The following ADK variants were observed in gnomAD, a reference collection of about 807,000 sequenced individuals.
ADK encodes adenosine kinase.
Under a neutral mutation model 44.7 loss-of-function variants are expected in ADK, and 24 were observed. The ratio of observed to expected loss-of-function variants is 0.54; its 90% confidence interval spans 0.39 to 0.76. The LOEUF (loss-of-function observed/expected upper bound fraction) is 0.76. Ranked by LOEUF, ADK falls within the 30% of genes least tolerant of loss-of-function variation. The pLI, the probability that ADK is intolerant of heterozygous loss-of-function variation, is 0.00. For missense variants in ADK, 321 were observed against 425.1 expected, an observed-to-expected ratio of 0.76 and a Z score of 2.15; for synonymous variants, 128 against 142.6, an observed-to-expected ratio of 0.90 and a Z score of 0.73.
chr10:74,398,396 A>G, intron 5 of ADK, 75 bp from the exon 6 acceptor site: 1 of 934,756 alleles, frequency 1.1e-6, no homozygotes, highest in South Asian at 1.9e-5. Context: ...TTTGCAAAAA[A>G]TATTGGTAAT....
intron 4 of ADK, among the ~76,000 whole-genome samples, chr10:74,383,359 T>C (rs1843034003): frequency 1.3e-5 from 2 of 151,756 alleles, no homozygotes; most frequent in Non-Finnish European, 2.9e-5. Flanking sequence ...ACTGAACTTT[T>C]AGTTTTCTGA....
intron 8 of ADK, among the ~76,000 whole-genome samples, chr10:74,597,911 A>G (rs1017004645): frequency 2.0e-5 from 3 of 152,128 alleles, no homozygotes; most frequent in Admixed American, 1.3e-4. Context: ...ATGTCTGTCA[A>G]TTTTCTCTAC....
intron 7 of ADK, among the ~76,000 whole-genome samples, chr10:74,526,976 C>A (rs187485468): frequency 6.6e-6 from 1 of 152,298 alleles, no homozygotes; most frequent in Non-Finnish European, 1.5e-5. Context: ...TCTCAGAGTT[C>A]TAAATAGTCA....
At chr10:74,561,836 C>A (rs1010786627) in intron 7 of ADK, among the ~76,000 whole-genome samples, 3 of 152,178 alleles carry the variant, frequency 2.0e-5, no homozygotes, top group Non-Finnish European at 2.9e-5. Flanking sequence ...TTTAGAGTCC[C>A]TCAGCTCAGG....
chr10:74,364,108 CAA>C (rs1162442840), intron 4 of ADK, among the ~76,000 whole-genome samples: 1 of 152,204 alleles, frequency 6.6e-6, no homozygotes, highest in African/African-American at 2.4e-5. Flanking sequence ...CACTTAATTA[CAA>C]TTCATACCTG....
chr10:74,212,593 T>C (rs1241267122), intron 2 of ADK, among the ~76,000 whole-genome samples: 1 of 152,192 alleles, frequency 6.6e-6, no homozygotes, highest in Non-Finnish European at 1.5e-5. Context: ...ATTATTTGAA[T>C]GTTTGGCATA....
intron 4 of ADK, chr10:74,344,705 T>C (rs537040929): frequency 1.1e-5 from 2 of 174,920 alleles, no homozygotes; most frequent in South Asian, 1.3e-4. Flanking sequence ...TTGTGCAGTC[T>C]TAACACAGTC....
intron 1 of ADK, among the ~76,000 whole-genome samples, chr10:74,163,622 T>TA (rs1296699742): frequency 6.6e-6 from 1 of 152,212 alleles, no homozygotes; most frequent in Non-Finnish European, 1.5e-5. Context: ...AGGGGTCACT[T>TA]AAAAACAAAA....
intron 10 of ADK, among the ~76,000 whole-genome samples, chr10:74,680,043 G>A (rs1855545452): frequency 1.3e-5 from 2 of 151,020 alleles, no homozygotes; most frequent in Non-Finnish European, 1.5e-5. Context: ...GGCCGGGCAC[G>A]GTGGCTCACG....
At chr10:74,696,881 G>C (rs1258927085) in intron 10 of ADK, among the ~76,000 whole-genome samples, 1 of 152,208 alleles carries the variant, frequency 6.6e-6, no homozygotes, top group South Asian at 2.1e-4. Context: ...AGCTGCTATG[G>C]CTTCAGGCTT....
chr10:74,190,374 T>C (rs1842919051), intron 1 of ADK, among the ~76,000 whole-genome samples: 1 of 152,202 alleles, frequency 6.6e-6, no homozygotes, highest in South Asian at 2.1e-4. Flanking sequence ...CAGTCAGTGG[T>C]GATTGCTTAG....
chr10:74,315,234 G>A (rs747239811), intron 4 of ADK, among the ~76,000 whole-genome samples: 12 of 151,996 alleles, frequency 7.9e-5, no homozygotes, highest in Non-Finnish European at 1.6e-4. Flanking sequence ...CCACAAGATA[G>A]TAGAAATTGC....
intron 9 of ADK, chr10:74,655,979 C>T (rs901601374): frequency 2.2e-5 from 15 of 685,240 alleles, no homozygotes; most frequent in African/African-American, 1.4e-4. Flanking sequence ...TGACTCTGGA[C>T]GTGACCATGG....
intron 9 of ADK, among the ~76,000 whole-genome samples, chr10:74,659,859 T>C (rs1185136074): frequency 6.6e-6 from 1 of 152,140 alleles, no homozygotes; most frequent in Non-Finnish European, 1.5e-5. Flanking sequence ...CCCACCAAGA[T>C]TAAGGGTGGG....
chr10:74,187,039 A>T (rs1471168765), intron 1 of ADK, among the ~76,000 whole-genome samples: 1 of 152,140 alleles, frequency 6.6e-6, no homozygotes, highest in Non-Finnish European at 1.5e-5. Context: ...GGAAAATTTA[A>T]CACTTTTTAC....
At chr10:74,251,406 C>T (rs1204607520) in intron 3 of ADK, among the ~76,000 whole-genome samples, 2 of 151,962 alleles carry the variant, frequency 1.3e-5, no homozygotes, top group Non-Finnish European at 2.9e-5. Flanking sequence ...TTGAAATAAC[C>T]TGTGTTTTAG....
At chr10:74,439,565 C>T (rs940451784) in intron 6 of ADK, among the ~76,000 whole-genome samples, 2 of 152,064 alleles carry the variant, frequency 1.3e-5, no homozygotes, top group Non-Finnish European at 2.9e-5. Flanking sequence ...GTTTATCAGC[C>T]TACCCAGTGG....
intron 6 of ADK, among the ~76,000 whole-genome samples, chr10:74,418,791 T>C (rs1844460141): frequency 6.6e-6 from 1 of 152,174 alleles, no homozygotes; most frequent in Non-Finnish European, 1.5e-5. Flanking sequence ...CAGATGCATT[T>C]TCTATGCTGC....
At chr10:74,635,444 C>T (rs1424976597) in intron 9 of ADK, among the ~76,000 whole-genome samples, 1 of 152,060 alleles carries the variant, frequency 6.6e-6, no homozygotes, top group African/African-American at 2.4e-5. Context: ...TATGTGATTC[C>T]ATTTGTATAA....
Sources: allele counts gnomAD v4.1 joint callset (sites outside exome capture counted in the v4.1 genomes callset), GRCh38; gene constraint gnomAD v4.1.1; transcripts MANE v1.5; gene names NCBI Gene and HGNC (gene_info 2026-07-23, HGNC 2026-07-21).